NTRK3: variants seen among roughly 807,000 people sequenced by gnomAD.
The protein encoded by NTRK3 is neurotrophic receptor tyrosine kinase 3, also known as NT-3 growth factor receptor.
In NTRK3, 24 loss-of-function variants were observed where a neutral mutation model predicts 91.7. That is an observed-to-expected ratio of 0.26 (90% CI 0.19 to 0.37). The LOEUF is 0.37. Ranked by LOEUF, NTRK3 falls within the 10% of genes least tolerant of loss-of-function variation. The pLI, the probability that NTRK3 is intolerant of heterozygous loss-of-function variation, is 1.00. For synonymous variants in NTRK3, 483 were observed against 404.0 expected, an observed-to-expected ratio of 1.20 and a Z score of -2.34; for missense variants, 880 against 1,068.9, an observed-to-expected ratio of 0.82 and a Z score of 2.46.
At position 88,222,020 on chromosome 15, in the gene NTRK3, C is replaced by G. The variant is rs78962270; in HGVS notation, c.248+33886G>C. Among the ~76,000 whole-genome samples, 1,058 of 152,318 alleles carry G rather than the reference C, an allele frequency of 6.9e-3. 6 individuals carry two copies. The highest frequency in any genetic ancestry group is 0.024 in the African/African-American group (1,017 of 41,564). ...GCCACGTACCTGTCATACCTCAAAG[C>G]ATACCTCAAAGCATGAGCTAGAAAG... On this transcript the variant is annotated intron_variant, in intron 3 of 18. Transcript: ENST00000394480.
At chr15:87,974,749 G>T (rs2073569732) in intron 14 of NTRK3, among the ~76,000 whole-genome samples, 1 of 152,142 alleles carries the variant, frequency 6.6e-6, no homozygotes, top group Non-Finnish European at 1.5e-5. Context: ...TACAATGAGA[G>T]GAAAGAACGT....
chr15:87,965,748 A>C (rs981240930), intron 14 of NTRK3, among the ~76,000 whole-genome samples: 11 of 152,194 alleles, frequency 7.2e-5, no homozygotes, highest in Non-Finnish European at 1.2e-4. Flanking sequence ...TTTTATTTAA[A>C]CATCTGCAGA....
At chr15:88,182,998 T>A (rs1411898024) in intron 5 of NTRK3, among the ~76,000 whole-genome samples, 3 of 151,418 alleles carry the variant, frequency 2.0e-5, no homozygotes, top group Non-Finnish European at 2.9e-5. Context: ...AGCCATACTT[T>A]CTTTCTTCTT....
At chr15:88,120,144 C>G (rs1477865214) in intron 13 of NTRK3, among the ~76,000 whole-genome samples, 1 of 152,212 alleles carries the variant, frequency 6.6e-6, no homozygotes, top group East Asian at 1.9e-4. Flanking sequence ...CTTCCCAACT[C>G]TAATCATTCC....
chr15:88,033,215 T>TATATATATATATAA (rs1491311337), intron 13 of NTRK3, among the ~76,000 whole-genome samples, 170 bp from the exon 14 acceptor site: 1 of 126,742 alleles, frequency 7.9e-6, no homozygotes, highest in Non-Finnish European at 1.7e-5. Flanking sequence ...TATATATATA[T>TATATATATATATAA]AAATTCAGTT....
intron 13 of NTRK3, among the ~76,000 whole-genome samples, chr15:88,084,067 C>G (rs1256333160): frequency 1.3e-5 from 2 of 150,370 alleles, no homozygotes; most frequent in South Asian, 2.1e-4. Flanking sequence ...TTTGTAAGAG[C>G]CATTTCATGT....
intron 14 of NTRK3, among the ~76,000 whole-genome samples, chr15:87,977,193 C>T (rs752797720): frequency 6.6e-6 from 1 of 152,196 alleles, no homozygotes; most frequent in Non-Finnish European, 1.5e-5. Flanking sequence ...GGAAGACTCT[C>T]AATGAAAGCA....
At chr15:88,159,774 T>C (rs1411644472) in intron 5 of NTRK3, among the ~76,000 whole-genome samples, 1 of 151,956 alleles carries the variant, frequency 6.6e-6, no homozygotes, top group African/African-American at 2.4e-5. Context: ...TCCTGGAACT[T>C]GATGGAGAAT....
chr15:88,247,186 A>G (rs537558920), intron 3 of NTRK3, among the ~76,000 whole-genome samples: 283 of 152,184 alleles, frequency 1.9e-3, no homozygotes, highest in Non-Finnish European at 3.6e-3. Context: ...CGAAGCTACT[A>G]TTGCTCCCTT....
intron 17 of NTRK3, among the ~76,000 whole-genome samples, chr15:87,910,509 C>A (rs1299177143): frequency 2.0e-5 from 3 of 152,186 alleles, no homozygotes; most frequent in African/African-American, 7.2e-5. Context: ...TGCCGTGTTT[C>A]AGTCTCCAGT....
intron 14 of NTRK3, among the ~76,000 whole-genome samples, chr15:88,016,137 TTTC>T (rs1389946940): frequency 6.6e-6 from 1 of 152,170 alleles, no homozygotes; most frequent in African/African-American, 2.4e-5. Flanking sequence ...TGATTCTTAT[TTTC>T]TTCTTTTCAC....
At chr15:87,934,842 T>A (rs539988938) in intron 15 of NTRK3, among the ~76,000 whole-genome samples, 1 of 152,288 alleles carries the variant, frequency 6.6e-6, no homozygotes, top group Non-Finnish European at 1.5e-5. Context: ...GCCTCTAAGG[T>A]CATCAAGTGG....
chr15:88,094,775 C>T (rs16941252), intron 13 of NTRK3, among the ~76,000 whole-genome samples: 15,514 of 152,214 alleles, frequency 0.1, 1,035 homozygotes, highest in African/African-American at 0.18. Flanking sequence ...AATGTCCCTC[C>T]TTAAACACTT....
rs2049647465 is a variant in NTRK3, at chr15:88,215,227, A to C, written c.249-30928T>G. Among the ~76,000 whole-genome samples, 4 of 152,228 alleles carry C rather than the reference A, an allele frequency of 2.6e-5. No homozygotes were observed. The South Asian group carries it at 8.3e-4, about 31-fold the overall frequency. On this transcript the variant is annotated intron_variant, in intron 3 of 18. Transcript: ENST00000394480. ...AGAGGAAAAACATCCCGGTTTGTTC[A>C]CGGCTTCCTTGACAAATCCCAGTTC...
At chr15:88,021,209 G>A (rs1271573950) in intron 14 of NTRK3, among the ~76,000 whole-genome samples, 3 of 152,288 alleles carry the variant, frequency 2.0e-5, no homozygotes, top group East Asian at 1.9e-4. Flanking sequence ...ACCCCAATTC[G>A]GGCTATTCCC....
intron 13 of NTRK3, among the ~76,000 whole-genome samples, chr15:88,105,645 T>C (rs117043517): frequency 1.5e-3 from 224 of 151,958 alleles, no homozygotes; most frequent in Non-Finnish European, 2.9e-3. Flanking sequence ...TAAAAACAAC[T>C]CCATAAAGTA....
At chr15:87,860,448 T>C (rs2064494065) in exon 19 of NTRK3, 1 of 217,480 alleles carries the variant, frequency 4.6e-6, no homozygotes, top group Non-Finnish European at 9.2e-6. Context: ...AACACACCCC[T>C]CTAACCTGTG....
exon 19 of NTRK3, chr15:87,860,026 A>T (rs1164434448): frequency 5.0e-6 from 1 of 199,426 alleles, no homozygotes; most frequent in African/African-American, 2.3e-5. Context: ...ATATATGTAT[A>T]AAATGTTTTT....
At chr15:87,937,306 T>C (rs1435399) in intron 15 of NTRK3, among the ~76,000 whole-genome samples, 10 of 152,022 alleles carry the variant, frequency 6.6e-5, no homozygotes, top group Non-Finnish European at 8.8e-5. Context: ...TAGAAACCAA[T>C]GAAATATGAA....
Sources: gnomAD v4.1 joint callset for allele counts (sites outside exome capture counted in the v4.1 genomes callset) on GRCh38, gnomAD v4.1.1 for gene constraint, MANE v1.5 for transcripts, NCBI Gene and HGNC (gene_info 2026-07-23, HGNC 2026-07-21) for gene names.